ACTA2: variants seen among roughly 807,000 people sequenced by gnomAD.
ACTA2 encodes the protein actin, aortic smooth muscle.
A neutral mutation model predicts 39.5 loss-of-function variants in ACTA2; 12 were observed. The ratio of observed to expected loss-of-function variants is 0.30; its 90% CI spans 0.19 to 0.49. The LOEUF (loss-of-function observed/expected upper bound fraction) is 0.49, where lower values mean the gene tolerates loss of function less well. Ranked by LOEUF, ACTA2 falls within the 20% of genes least tolerant of loss-of-function variation. The probability of loss-of-function intolerance (pLI) is 0.99; values close to 1 mark genes in which losing one functional copy is unlikely to be tolerated. For synonymous variants in ACTA2, 158 were observed against 180.6 expected, an observed-to-expected ratio of 0.88 and a Z score of 1.00; for missense variants, 236 against 498.8, an observed-to-expected ratio of 0.47 and a Z score of 5.02.
chr10:88,954,107 G>A (rs1044234280), upstream of ACTA2, among the ~76,000 whole-genome samples: 2 of 152,018 alleles, frequency 1.3e-5, no homozygotes, highest in African/African-American at 4.8e-5. Flanking sequence ...AAATATTTTT[G>A]TGGGTACTGT....
intron 1 of ACTA2, among the ~76,000 whole-genome samples, chr10:88,965,317 G>A (rs963546595): frequency 6.6e-6 from 1 of 152,114 alleles, no homozygotes. Context: ...ATTTGGTTAA[G>A]CAACTTTCTA....
chr10:88,941,287 A>T lies in ACTA2; in HGVS notation c.558T>A (p.Asp186Glu). The change falls in exon 6 of 9, where the codon GAT becomes GAA. Residue 186 changes from aspartate (D) to glutamate (E), a missense_variant. Physicochemically the swap from Asp to Glu is conservative, Grantham distance 45. Transcript: ENST00000224784. ...AIMRLDLAGR[D>E]LTDYLMKILT... ...GGATCTTCATGAGGTAGTCAGTGAG[A>T]TCTCGGCCAGCCAGATCCAGACGCA... is the stretch of plus-strand genomic sequence containing the variant. The T allele has an allele frequency of 6.2e-7, 1 of 1,611,986 alleles. No homozygotes were observed.
At chr10:88,980,060 T>C (rs1846672989) in intron 1 of ACTA2, among the ~76,000 whole-genome samples, 1 of 152,254 alleles carries the variant, frequency 6.6e-6, no homozygotes, top group Non-Finnish European at 1.5e-5. Flanking sequence ...AGTGGACTTC[T>C]TTCCACTTGA....
Position 88,949,261 on chromosome 10 carries a change from C to T in ACTA2, c.-23-308G>A, listed in dbSNP as rs143468038. Among the ~76,000 whole-genome samples, 1,604 of 152,276 alleles carry T rather than the reference C, an allele frequency of 0.011. 26 individuals are homozygous for T. Among genetic ancestry groups the T allele is most frequent in the African/African-American group, 0.036 (1,492 of 41,546 alleles). Reference sequence around the variant, plus strand: ...TAGAGCCAGTGAATGAATAAACAAACTGCAGAGCACAGATGGGAAATCCAG... The same window carrying T: ...TAGAGCCAGTGAATGAATAAACAAATTGCAGAGCACAGATGGGAAATCCAG... On this transcript the variant is annotated intron_variant, in intron 1 of 8. Coordinates refer to ENST00000224784, the MANE Select transcript of ACTA2 (RefSeq NM_001613.4).
chr10:88,977,519 C>T (rs1846595189), intron 1 of ACTA2, among the ~76,000 whole-genome samples: 1 of 151,976 alleles, frequency 6.6e-6, no homozygotes, highest in Non-Finnish European at 1.5e-5. Flanking sequence ...GGCTAATATC[C>T]AGAATCTACA....
At chr10:88,965,803 C>T (rs1846308956) in intron 1 of ACTA2, among the ~76,000 whole-genome samples, 1 of 152,156 alleles carries the variant, frequency 6.6e-6, no homozygotes, top group Non-Finnish European at 1.5e-5. Context: ...TTATGATCCA[C>T]TGCTGGTTTG....
At chr10:88,942,568 C>T (rs1845875307) in intron 4 of ACTA2, among the ~76,000 whole-genome samples, 1 of 152,130 alleles carries the variant, frequency 6.6e-6, no homozygotes, top group Admixed American at 6.5e-5. Context: ...AATGTCAGTG[C>T]CCCAGTTGGT....
At chr10:88,961,924 C>T (rs1174464024) in intron 1 of ACTA2, among the ~76,000 whole-genome samples, 1 of 151,988 alleles carries the variant, frequency 6.6e-6, no homozygotes, top group Non-Finnish European at 1.5e-5. Context: ...ATTGATTTGC[C>T]TTTCTACTTC....
intron 1 of ACTA2, chr10:88,973,627 AGCTGAACTAACCTCAAAGG>A (rs1210431857): frequency 2.9e-5 from 6 of 207,126 alleles, no homozygotes; most frequent in Non-Finnish European, 4.8e-5. Context: ...AAAATGCTTA[AGCTGAACTAACCTCAAAGG>A]GCCCTCATTA....
chr10:88,936,742 A>G (rs188082302), intron 8 of ACTA2, among the ~76,000 whole-genome samples: 2 of 152,248 alleles, frequency 1.3e-5, no homozygotes, highest in Admixed American at 1.3e-4. Flanking sequence ...TTTCTTTACA[A>G]ATTACCCAAG....
chr10:88,976,693 T>C (rs1846572733), intron 1 of ACTA2, among the ~76,000 whole-genome samples: 1 of 152,222 alleles, frequency 6.6e-6, no homozygotes, highest in Admixed American at 6.5e-5. Flanking sequence ...ATGATTATAA[T>C]TTTAAATTAA....
At chr10:88,980,381 G>A (rs1846682081) in intron 1 of ACTA2, among the ~76,000 whole-genome samples, 1 of 152,232 alleles carries the variant, frequency 6.6e-6, no homozygotes, top group Non-Finnish European at 1.5e-5. Flanking sequence ...CATAACCACA[G>A]TGGAGGTGAC....
upstream of ACTA2, among the ~76,000 whole-genome samples, chr10:88,956,314 T>C (rs1846137993): frequency 6.6e-6 from 1 of 152,216 alleles, no homozygotes; most frequent in Admixed American, 6.5e-5. Flanking sequence ...GGTCTATGTC[T>C]TTGTATTTTC....
At chr10:88,957,522 C>T (rs139054801), upstream of ACTA2, among the ~76,000 whole-genome samples, 462 of 152,276 alleles carry the variant, frequency 3.0e-3, 11 homozygotes, top group Admixed American at 0.029. Flanking sequence ...CCTGCCTTAT[C>T]TACCCCAACT....
intron 1 of ACTA2, among the ~76,000 whole-genome samples, chr10:88,979,144 A>G (rs1365317427): frequency 6.6e-6 from 1 of 152,132 alleles, no homozygotes; most frequent in Non-Finnish European, 1.5e-5. Context: ...TACAATTAAA[A>G]TTATAGATTC....
chr10:88,982,390 T>G (rs1846731525), intron 1 of ACTA2, among the ~76,000 whole-genome samples: 1 of 152,218 alleles, frequency 6.6e-6, no homozygotes, highest in Admixed American at 6.5e-5. Context: ...AATGGATTAT[T>G]TGGTAAGAGA....
At chr10:88,989,131 A>C (rs930496172) in intron 1 of ACTA2, among the ~76,000 whole-genome samples, 1 of 152,186 alleles carries the variant, frequency 6.6e-6, no homozygotes, top group South Asian at 2.1e-4. Flanking sequence ...TTTGTAAAGT[A>C]AGTTTAATAA....
chr10:88,955,259 C>T (rs1478558256), upstream of ACTA2, among the ~76,000 whole-genome samples: 1 of 152,192 alleles, frequency 6.6e-6, no homozygotes, highest in East Asian at 1.9e-4. Context: ...GGCCATGTAA[C>T]TACTGGCAAA....
chr10:88,973,403 T>C (rs1216119749), intron 1 of ACTA2: 7 of 1,335,096 alleles, frequency 5.2e-6, no homozygotes, highest in Non-Finnish European at 6.9e-6. Flanking sequence ...GAGTTCCCGA[T>C]GAAAACAACT....
Sources: allele counts gnomAD v4.1 joint callset (sites outside exome capture counted in the v4.1 genomes callset), GRCh38; gene constraint gnomAD v4.1.1; transcripts MANE v1.5; gene names NCBI Gene and HGNC (gene_info 2026-07-23, HGNC 2026-07-21).